The following ZNF407 variants were observed in gnomAD, a reference collection of about 807,000 sequenced individuals.
ZNF407 encodes the protein zinc finger protein 407.
ZNF407 carries 17 observed loss-of-function variants against 131.2 expected under a neutral mutation model. The ratio of observed to expected loss-of-function variants is 0.13; its 90% CI spans 0.09 to 0.19. ZNF407 has a LOEUF of 0.19. Among genes scored for constraint, ZNF407 ranks in the 10% least tolerant of loss-of-function variants. ZNF407 has a pLI of 1.00. For missense variants in ZNF407, 2,681 were observed against 2,830.6 expected (o/e 0.95, Z 1.20); for synonymous variants, 1,156 against 1,062.0 (o/e 1.09, Z -1.72).
chr18:74,963,646 A>C (rs935444894), intron 8 of ZNF407, among the ~76,000 whole-genome samples: 3 of 152,356 alleles, frequency 2.0e-5, no homozygotes, highest in Admixed American at 6.5e-5. Context: ...GGAAATGTTC[A>C]TTGAAAGCAA....
At chr18:74,657,861 C>T (rs1985534469) in intron 3 of ZNF407, among the ~76,000 whole-genome samples, 2 of 151,914 alleles carry the variant, frequency 1.3e-5, no homozygotes, top group South Asian at 2.1e-4. Context: ...CTCCTTCCTC[C>T]CTGTCTTCTC....
At position 74,634,951 on chromosome 18, in the gene ZNF407, A is replaced by G. The variant is rs1163596529; in HGVS notation, c.3932A>G (p.Asn1311Ser). The change falls in exon 2 of 9, where the codon AAT (asparagine) becomes AGT (serine). Residue 1311 changes from asparagine (N) to serine (S), a missense_variant. Coordinates refer to ENST00000299687, the MANE Select transcript of ZNF407 (RefSeq NM_017757.3). ...CTGGGGAATAAGGAAATTCTGATGA[A>G]TTCACAACATGAAACAGAATTTATT... ...PVLGNKEILM[N>S]SQHETEFILE... is the part of the protein sequence containing the mutation. The G allele has an allele frequency of 6.2e-7, 1 of 1,613,906 alleles. No individual in the cohort carries two copies. The highest frequency in any genetic ancestry group is 1.3e-5 in the African/African-American group (1 of 74,942).
At chr18:74,784,427 T>C (rs1969666264) in intron 4 of ZNF407, among the ~76,000 whole-genome samples, 1 of 152,234 alleles carries the variant, frequency 6.6e-6, no homozygotes, top group Non-Finnish European at 1.5e-5. Context: ...ATACTTGTAC[T>C]ATAATGTTTG....
intron 4 of ZNF407, among the ~76,000 whole-genome samples, chr18:74,841,581 C>G (rs1399270005): frequency 6.6e-6 from 1 of 152,200 alleles, no homozygotes; most frequent in Non-Finnish European, 1.5e-5. Flanking sequence ...AGGTGCCCAC[C>G]ACAGTGACTG....
chr18:74,696,099 C>A (rs1599076734), intron 3 of ZNF407, among the ~76,000 whole-genome samples: 1 of 152,178 alleles, frequency 6.6e-6, no homozygotes, highest in Non-Finnish European at 1.5e-5. Flanking sequence ...ACTGTAAGGA[C>A]TGCTGTTCAG....
rs1383881606 is a variant in ZNF407, at chr18:74,814,574, G to A, written c.4877+33072G>A. ...CAGTTTGTTGAAGAACAATCAGTAT[G>A]ATTTTATCCTCTGTCAATTTCCAGT... On this transcript the variant is annotated intron_variant, in intron 4 of 8. Coordinates refer to ENST00000299687, the MANE Select transcript of ZNF407 (RefSeq NM_017757.3). Among the ~76,000 whole-genome samples the A allele has an allele frequency of 4.0e-5, 6 of 150,422 alleles. No individual in the cohort carries two copies. In the East Asian group the frequency reaches 7.9e-4, roughly 20 times the overall value.
At chr18:74,653,440 A>G (rs540502463) in intron 3 of ZNF407, among the ~76,000 whole-genome samples, 2 of 151,968 alleles carry the variant, frequency 1.3e-5, no homozygotes, top group African/African-American at 2.4e-5. Context: ...TTTTATGTCT[A>G]TGGTTTATAA....
At chr18:74,924,747 G>A (rs182234673) in intron 8 of ZNF407, among the ~76,000 whole-genome samples, 39 of 152,262 alleles carry the variant, frequency 2.6e-4, no homozygotes, top group Middle Eastern at 6.8e-3. Flanking sequence ...GAAGCCAGAC[G>A]GGGAGGGCTG....
chr18:74,678,285 T>C (rs1346030934), intron 3 of ZNF407, among the ~76,000 whole-genome samples: 1 of 152,208 alleles, frequency 6.6e-6, no homozygotes, highest in African/African-American at 2.4e-5. Context: ...TAGTACAGTT[T>C]GAAGCTGGGC....
intron 7 of ZNF407, among the ~76,000 whole-genome samples, chr18:74,909,501 G>A (rs908187150): frequency 1.3e-5 from 2 of 151,986 alleles, no homozygotes; most frequent in Non-Finnish European, 2.9e-5. Context: ...AAAACTAAGC[G>A]TATTTCTTTA....
At chr18:75,014,632 G>T (rs1973022001) in intron 8 of ZNF407, among the ~76,000 whole-genome samples, 1 of 151,892 alleles carries the variant, frequency 6.6e-6, no homozygotes, top group African/African-American at 2.4e-5. Context: ...TAAAACCATC[G>T]ACCAAAATAA....
At position 74,632,417 on chromosome 18, in the gene ZNF407, A is replaced by G. The variant is rs374377755; in HGVS notation, c.1398A>G (p.Thr466=). 1.5e-5 allele frequency: 25 copies of G among 1,613,946 alleles called. No individual in the cohort carries two copies. The highest frequency in any genetic ancestry group is 2.1e-5 in the Non-Finnish European group (25 of 1,179,914). Residue 466 remains threonine (T), a synonymous_variant, in exon 2 of 9, where the codon ACA becomes ACG. Coordinates refer to ENST00000299687, the MANE Select transcript of ZNF407 (RefSeq NM_017757.3). ...TQRMYMKHLR[T]QMKTHDAESV... ...GGATGTATATGAAACACTTGAGAAC[A>G]CAGATGAAAACACACGATGCAGAAT...
rs117889186 is a variant in ZNF407, at chr18:74,740,333, A to T, written c.4803-41095A>T. Among the ~76,000 whole-genome samples the T allele has an allele frequency of 1.6e-3, 244 of 152,298 alleles. 4 individuals are homozygous for T. Among genetic ancestry groups the T allele is most frequent in the Non-Finnish European group, 1.9e-3 (127 of 68,016 alleles). On this transcript the variant is annotated intron_variant, in intron 3 of 8. Transcript: ENST00000299687. ...CATTTATTTTAGAGCTCACCAAGGTAATTCAGGTAAATCTTCTGATGTATA... is the reference window on the plus strand; with the variant it reads ...CATTTATTTTAGAGCTCACCAAGGTTATTCAGGTAAATCTTCTGATGTATA...
chr18:74,988,871 G>C (rs1972685062), intron 8 of ZNF407, among the ~76,000 whole-genome samples: 1 of 152,146 alleles, frequency 6.6e-6, no homozygotes, highest in Non-Finnish European at 1.5e-5. Context: ...CATCGCTGGG[G>C]AGAGTGTGAA....
intron 3 of ZNF407, among the ~76,000 whole-genome samples, chr18:74,744,040 T>C (rs915376395): frequency 2.0e-5 from 3 of 152,194 alleles, no homozygotes; most frequent in Admixed American, 1.3e-4. Flanking sequence ...ATTAGTTGAT[T>C]CCAATTTTGG....
At chr18:74,598,396 C>G (rs899341947) in intron 1 of ZNF407, 4 of 152,530 alleles carry the variant, frequency 2.6e-5, no homozygotes, top group African/African-American at 7.2e-5. Context: ...GGACGCACCC[C>G]TGCACCGAAA....
chr18:74,966,325 T>G (rs2145298002), intron 8 of ZNF407, among the ~76,000 whole-genome samples: 1 of 152,342 alleles, frequency 6.6e-6, no homozygotes, highest in South Asian at 2.1e-4. Flanking sequence ...TAATCCATTT[T>G]TATTTGATTT....
chr18:74,797,595 A>C (rs531884027), intron 4 of ZNF407, among the ~76,000 whole-genome samples: 9 of 152,382 alleles, frequency 5.9e-5, no homozygotes, highest in South Asian at 2.1e-4. Context: ...GGGTCATATC[A>C]ACACGTTCAT....
At position 74,640,861 on chromosome 18, in the gene ZNF407, A is replaced by G. The variant is rs1407989622; in HGVS notation, c.4688-147A>G. 1.3e-4 allele frequency: 83 copies of G among 614,928 alleles called. 1 individual carries two copies. The highest frequency in any genetic ancestry group is 1.5e-5 in the Non-Finnish European group (5 of 341,734). The allele number at this position is 614,928 out of a possible 1,614,324, so 38.1% of individuals were successfully genotyped here. A position where few individuals can be genotyped will look rare whatever the true frequency, so the allele number is the denominator to read the frequency against. Reference sequence around the variant, plus strand: ...AATAATTATGGAATCAGGTCTATTCAAGTTATAAATGAATGCAAGTATTCC... The same window carrying G: ...AATAATTATGGAATCAGGTCTATTCGAGTTATAAATGAATGCAAGTATTCC... On this transcript the variant is annotated intron_variant, in intron 2 of 8. Transcript: ENST00000299687.
Sources: allele counts gnomAD v4.1 joint callset (sites outside exome capture counted in the v4.1 genomes callset), GRCh38; gene constraint gnomAD v4.1.1; transcripts MANE v1.5; gene names NCBI Gene and HGNC (gene_info 2026-07-23, HGNC 2026-07-21).